Variants in PCDHGA7 observed in about 807,000 individuals in gnomAD.
PCDHGA7 encodes the protein protocadherin gamma subfamily A, 7.
Under a neutral mutation model 58.3 loss-of-function variants are expected in PCDHGA7, and 44 were observed. That is an observed-to-expected ratio of 0.75 (90% CI 0.59 to 0.97). The LOEUF is 0.97. Ranked by LOEUF, PCDHGA7 falls within the 50% of genes least tolerant of loss-of-function variation. PCDHGA7 has a pLI of 0.00. For missense variants in PCDHGA7, 1,266 were observed against 1,188.7 expected, an observed-to-expected ratio of 1.06 and a Z score of -0.96; for synonymous variants, 516 against 504.2, an observed-to-expected ratio of 1.02 and a Z score of -0.31.
chr5:141,478,092 C>T (rs2099429960), intron 1 of PCDHGA7: 1 of 1,614,156 alleles, frequency 6.2e-7, no homozygotes, highest in Non-Finnish European at 8.5e-7. Flanking sequence ...CTCTCCACCA[C>T]TGCTACCCTC....
At chr5:141,434,431 T>C (rs931458644) in intron 1 of PCDHGA7, among the ~76,000 whole-genome samples, 2 of 152,186 alleles carry the variant, frequency 1.3e-5, no homozygotes, top group African/African-American at 2.4e-5. Context: ...ATGATGGCCG[T>C]AATGCCCATG....
intron 2 of PCDHGA7, 54 bp from the exon 3 acceptor site, chr5:141,505,339 G>A: frequency 1.2e-6 from 2 of 1,612,236 alleles, no homozygotes; most frequent in Middle Eastern, 3.4e-4. Flanking sequence ...GACAGGAGGG[G>A]CATGAGCTGT....
At chr5:141,483,291 A>T (rs767446911) in intron 1 of PCDHGA7, among the ~76,000 whole-genome samples, 4 of 152,126 alleles carry the variant, frequency 2.6e-5, no homozygotes, top group African/African-American at 4.8e-5. Flanking sequence ...TGTCAGTCAT[A>T]AGTGAAGGGA....
chr5:141,421,537 T>C (rs11167744), intron 1 of PCDHGA7: 139,246 of 1,613,908 alleles, frequency 0.086, 6,702 homozygotes, highest in East Asian at 0.14. Context: ...GTCCTCCTGT[T>C]TTTTAAATAT....
chr5:141,496,160 G>C (rs1428576442), intron 2 of PCDHGA7, among the ~76,000 whole-genome samples: 2 of 151,600 alleles, frequency 1.3e-5, no homozygotes, highest in Admixed American at 6.6e-5. Flanking sequence ...CTCTCCACCA[G>C]ACACCCTCCC....
At chr5:141,423,341 TC>T (rs767448191) in intron 1 of PCDHGA7, 181 of 1,614,176 alleles carry the variant, frequency 1.1e-4, no homozygotes, top group Admixed American at 2.7e-4. Context: ...TCCTGCATCT[TC>T]CTGGTCTTTG....
At chr5:141,409,388 T>C in intron 1 of PCDHGA7, 1 of 1,614,018 alleles carries the variant, frequency 6.2e-7, no homozygotes, top group Non-Finnish European at 8.5e-7. Flanking sequence ...CAAGATTTAT[T>C]CTTCTTCCAA....
At chr5:141,410,659 C>T (rs1481225976) in intron 1 of PCDHGA7, 5 of 1,571,890 alleles carry the variant, frequency 3.2e-6, no homozygotes, top group Non-Finnish European at 4.3e-6. Flanking sequence ...ATCTAATAGT[C>T]TACTAGTTTC....
chr5:141,461,072 A>G (rs555905734), intron 1 of PCDHGA7, among the ~76,000 whole-genome samples: 2 of 151,574 alleles, frequency 1.3e-5, no homozygotes, highest in Non-Finnish European at 2.9e-5. Flanking sequence ...ACATTTTTGC[A>G]ATTGTGAATT....
At chr5:141,478,618 G>A (rs1374855853) in intron 1 of PCDHGA7, 1 of 1,556,056 alleles carries the variant, frequency 6.4e-7, no homozygotes, top group Non-Finnish European at 8.7e-7. Flanking sequence ...GGAAGGAATG[G>A]AGCTGTTTTT....
intron 1 of PCDHGA7, among the ~76,000 whole-genome samples, chr5:141,455,286 T>G (rs889792228): frequency 6.6e-6 from 1 of 152,176 alleles, no homozygotes; most frequent in African/African-American, 2.4e-5. Flanking sequence ...AACATCACTT[T>G]ACATAGTTTC....
Position 141,493,359 on chromosome 5 carries a change from G to A in PCDHGA7, c.2425-1448G>A, listed in dbSNP as rs956980110. Among the ~76,000 whole-genome samples the A allele has an allele frequency of 2.6e-5, 4 of 152,148 alleles. No homozygotes were observed. The highest frequency in any genetic ancestry group is 9.7e-5 in the African/African-American group (4 of 41,418). ...CCAGAATGTGTGCTTTTAATTTCTT[G>A]GCACTTGGAACTTTAAAAGCTTGAG... On this transcript the variant is annotated intron_variant, in intron 1 of 3. Transcript: ENST00000518325. This position sits in a 1 kb window ranked among gnomAD's most constrained non-coding sequence, Gnocchi z 4.3.
At chr5:141,427,146 AAT>A (rs1561826638) in intron 1 of PCDHGA7, 1 of 456,990 alleles carries the variant, frequency 2.2e-6, no homozygotes, top group Non-Finnish European at 4.4e-6. Context: ...TGATATTGGA[AAT>A]ATGTTTGTGC....
chr5:141,428,050 T>C (rs1222417053), intron 1 of PCDHGA7: 1 of 1,608,844 alleles, frequency 6.2e-7, no homozygotes, highest in Non-Finnish European at 8.5e-7. Flanking sequence ...GTGACCAAGG[T>C]GGTGGCGGTG....
At chr5:141,385,897 T>G (rs1239530596) in intron 1 of PCDHGA7, 1 of 152,628 alleles carries the variant, frequency 6.6e-6, no homozygotes, top group East Asian at 1.9e-4. Flanking sequence ...GAAATGTGTG[T>G]GTATCACACT....
Position 141,477,393 on chromosome 5 carries a change from G to A in PCDHGA7, c.2425-17414G>A, listed in dbSNP as rs1397453429. On this transcript the variant is annotated intron_variant, in intron 1 of 3. Transcript: ENST00000518325. This position sits in a 1 kb window ranked among gnomAD's most constrained non-coding sequence, Gnocchi z 4.9. The stretch of plus-strand genomic sequence containing the variant: ...GAGACTGTGCCAGAATACAACCTCA[G>A]CATCACCGCCCGAGACGCCGGAACC... The A allele has an allele frequency of 5.6e-6, 9 of 1,614,098 alleles. No individual in the cohort carries two copies. Among genetic ancestry groups the A allele is most frequent in the Non-Finnish European group, 7.6e-6 (9 of 1,180,028 alleles).
At chr5:141,393,267 T>C in intron 1 of PCDHGA7, 1 of 1,613,944 alleles carries the variant, frequency 6.2e-7, no homozygotes, top group Non-Finnish European at 8.5e-7. Flanking sequence ...TGGAGCACGT[T>C]ATCCACTCCC....
intron 1 of PCDHGA7, chr5:141,391,563 A>T (rs545672465): frequency 5.3e-5 from 8 of 152,322 alleles, no homozygotes; most frequent in Admixed American, 2.0e-4. Context: ...TTCCATATGC[A>T]TAAGAAAATA....
At position 141,432,275 on chromosome 5, in the gene PCDHGA7, T is replaced by C. The variant is rs775413198; in HGVS notation, c.2424+46952T>C. 2 of 1,614,232 alleles carry C rather than the reference T, an allele frequency of 1.2e-6. No homozygotes were observed. Among genetic ancestry groups the C allele is most frequent in the South Asian group, 2.2e-5 (2 of 91,086 alleles). On this transcript the variant is annotated intron_variant, in intron 1 of 3. Coordinates refer to ENST00000518325, the MANE Select transcript of PCDHGA7 (RefSeq NM_018920.4). This position sits in a 1 kb window ranked among gnomAD's most constrained non-coding sequence, Gnocchi z 6.0. ...AGGGGCAAGCCTATCGTCCTACGTG[T>C]CCATCAACTCCGACACTGGGGTACT... is the stretch of plus-strand genomic sequence containing the variant.
Sources: allele counts gnomAD v4.1 joint callset (sites outside exome capture counted in the v4.1 genomes callset), GRCh38; gene constraint gnomAD v4.1.1; non-coding constraint Gnocchi (gnomAD v3.1); transcripts MANE v1.5; gene names NCBI Gene and HGNC (gene_info 2026-07-23, HGNC 2026-07-21).